Variants in AKT1 observed in about 807,000 individuals in gnomAD.
AKT1 encodes the protein RAC-alpha serine/threonine-protein kinase.
Under a neutral mutation model 63.1 loss-of-function variants are expected in AKT1, and 21 were observed. The observed-to-expected ratio is 0.33, with a 90% CI of 0.24 to 0.48. The LOEUF is 0.48. Among genes scored for constraint, AKT1 ranks in the 20% least tolerant of loss-of-function variants. The pLI, the probability that AKT1 is intolerant of heterozygous loss-of-function variation, is 0.99. For missense variants in AKT1, 382 were observed against 666.0 expected (o/e 0.57, Z 4.69); for synonymous variants, 257 against 253.1 (o/e 1.02, Z -0.15).
Position 104,782,726 on chromosome 14 carries a change from G to C in AKT1, c.47-2510C>G, listed in dbSNP as rs111895679. Among the ~76,000 whole-genome samples the C allele has an allele frequency of 6.6e-5, 10 of 150,888 alleles. 1 individual carries two copies. Among genetic ancestry groups the C allele is most frequent in the African/African-American group, 2.4e-4 (10 of 41,330 alleles). On this transcript the variant is annotated intron_variant, in intron 3 of 14. Coordinates refer to ENST00000649815, the MANE Select transcript of AKT1 (RefSeq NM_001382430.1). ...AGGGCCTACCCCAGGAGACGGGTGT[G>C]AGTGAAGGGGCCTCACGTGGCCTTT...
chr14:104,785,801 A>T (rs2140981093), intron 3 of AKT1, among the ~76,000 whole-genome samples: 1 of 152,186 alleles, frequency 6.6e-6, no homozygotes, highest in Middle Eastern at 3.4e-3. Context: ...TGGTGCGGGC[A>T]GGCGGCACCA....
intron 3 of AKT1, among the ~76,000 whole-genome samples, chr14:104,790,267 G>A (rs1237924966): frequency 6.6e-6 from 1 of 152,224 alleles, no homozygotes; most frequent in Non-Finnish European, 1.5e-5. Flanking sequence ...CTGACCTGCA[G>A]GAGCAAGGCT....
chr14:104,780,338 A>T, intron 3 of AKT1, 122 bp from the exon 4 acceptor site: 2 of 1,380,786 alleles, frequency 1.4e-6, no homozygotes, highest in Non-Finnish European at 1.9e-6. Context: ...CCCAGGGGGC[A>T]GGCGCGGTAC....
chr14:104,789,374 C>G (rs761247749), intron 3 of AKT1, among the ~76,000 whole-genome samples: 15 of 152,226 alleles, frequency 9.9e-5, no homozygotes, highest in Non-Finnish European at 2.1e-4. Context: ...CAGCTCTCCA[C>G]GGGGCTAGGC....
chr14:104,779,764 G>A (rs1304504904), intron 4 of AKT1, among the ~76,000 whole-genome samples: 1 of 151,572 alleles, frequency 6.6e-6, no homozygotes. Flanking sequence ...CGCCCAGCCA[G>A]CCTCAGGACT....
At chr14:104,789,607 G>T (rs1196486895) in intron 3 of AKT1, among the ~76,000 whole-genome samples, 2 of 152,232 alleles carry the variant, frequency 1.3e-5, no homozygotes, top group East Asian at 3.8e-4. Context: ...AAAATCAGGA[G>T]ACTTCACACA....
At chr14:104,773,157 T>C (rs1234575853) in intron 11 of AKT1, 65 bp from the exon 12 acceptor site, 1 of 1,609,016 alleles carries the variant, frequency 6.2e-7, no homozygotes, top group East Asian at 2.2e-5. Context: ...CCGGGGGAGG[T>C]GTGACGTGCT....
Position 104,780,160 on chromosome 14 carries a change from A to C in AKT1, c.103T>G (p.Phe35Val). 1 of 1,613,688 alleles carries C rather than the reference A, an allele frequency of 6.2e-7. No individual in the cohort carries two copies. The highest frequency in any genetic ancestry group is 8.5e-7 in the Non-Finnish European group (1 of 1,179,970). The change falls in exon 4 of 15, where the codon TTC becomes GTC. Residue 35 changes from phenylalanine to valine, a missense_variant. Transcript: ENST00000649815. ...TGCGGCCGCTCCTTGTAGCCAATGA[A>C]GGTGCCATCATTCTTGAGGAGGAAG... is the stretch of plus-strand genomic sequence containing the variant. ...RYFLLKNDGT[F>V]IGYKERPQDV...
At position 104,774,729 on chromosome 14, in the gene AKT1, C is replaced by T. The variant is rs1595244410; in HGVS notation, c.633+209G>A. On this transcript the variant is annotated intron_variant, in intron 8 of 14. Coordinates refer to ENST00000649815, the MANE Select transcript of AKT1 (RefSeq NM_001382430.1). ...GGGCCACCTGCCCCACCCACCTGCC[C>T]GCACACGGGAGCAGCGAGCACAGCC... The T allele has an allele frequency of 2.9e-5, 18 of 611,240 alleles. 1 individual carries two copies. The highest frequency in any genetic ancestry group is 4.4e-4 in the Middle Eastern group (1 of 2,286). The allele number at this position is 611,240 out of a possible 1,614,324, so 37.9% of individuals were successfully genotyped here. A position where few individuals can be genotyped will look rare whatever the true frequency, so the allele number is the denominator to read the frequency against.
At chr14:104,774,822 T>C in intron 8 of AKT1, 116 bp downstream of exon 8, 1 of 1,167,524 alleles carries the variant, frequency 8.6e-7, no homozygotes, top group Middle Eastern at 3.0e-4. Flanking sequence ...AGCGGCGGAG[T>C]CCACGGTGTG....
In AKT1 at chr14:104,769,557, C is replaced by G. The variant is rs1289495993; in HGVS notation, c.*784G>C. Reference sequence around the variant, plus strand: ...GGGCGACAGCGGAAAGGTTAAGCGTCGAAAAGGTCAAGTGCTACCGTGGAG... The same window carrying G: ...GGGCGACAGCGGAAAGGTTAAGCGTGGAAAAGGTCAAGTGCTACCGTGGAG... On this transcript the variant is annotated 3_prime_UTR_variant, in exon 15 of 15. Coordinates refer to ENST00000649815, the MANE Select transcript of AKT1 (RefSeq NM_001382430.1). 3 of 533,352 alleles carry G rather than the reference C, an allele frequency of 5.6e-6. No homozygotes were observed. Among genetic ancestry groups the G allele is most frequent in the South Asian group, 3.1e-5 (2 of 65,078 alleles). 33.0% of individuals were successfully genotyped at this position (533,352 alleles called of 1,614,324 possible).
At chr14:104,794,039 T>C (rs570333396) in intron 1 of AKT1, 4 of 152,430 alleles carry the variant, frequency 2.6e-5, no homozygotes, top group Admixed American at 6.5e-5. Flanking sequence ...TTTGCACTGA[T>C]TGTCTTAAGC....
At chr14:104,777,119 G>T (rs1892762160) in intron 4 of AKT1, 2 of 265,346 alleles carry the variant, frequency 7.5e-6, no homozygotes, top group South Asian at 8.8e-5. Flanking sequence ...CCCACAGAGG[G>T]GCTGGCATGA....
chr14:104,777,814 G>A (rs534470710), intron 4 of AKT1: 5 of 739,758 alleles, frequency 6.8e-6, no homozygotes, highest in African/African-American at 1.9e-5. Context: ...AGGCCTGGGG[G>A]CCAGGAGGGG....
chr14:104,779,759 AGCCAGCCTCAGGACTCAGCTCG>A, intron 4 of AKT1, among the ~76,000 whole-genome samples: 1 of 149,960 alleles, frequency 6.7e-6, no homozygotes, highest in African/African-American at 2.5e-5. Context: ...ACCCCCGCCC[AGCCAGCCTCAGGACTCAGCTCG>A]GAGACCCCTG....
chr14:104,776,932 G>C, intron 4 of AKT1, 162 bp from the exon 5 acceptor site: 1 of 608,578 alleles, frequency 1.6e-6, no homozygotes, highest in Middle Eastern at 4.4e-4. Flanking sequence ...TCGCCTCACA[G>C]AGTGGGGCTA....
At chr14:104,776,206 GGT>G (rs1215648962) in intron 5 of AKT1, 2 of 205,752 alleles carry the variant, frequency 9.7e-6, no homozygotes, top group Non-Finnish European at 2.0e-5. Context: ...GGAGTGCAGT[GGT>G]AAAATCTCGG....
At chr14:104,776,455 G>C in intron 5 of AKT1, 1 of 531,440 alleles carries the variant, frequency 1.9e-6, no homozygotes, top group East Asian at 3.2e-5. Context: ...TCCCTAGCCA[G>C]TTTTTATCTC....
In AKT1 at chr14:104,775,061, C is replaced by G; in HGVS notation, c.567+15G>C. On this transcript the variant is annotated intron_variant, in intron 7 of 14. Coordinates refer to ENST00000649815, the MANE Select transcript of AKT1 (RefSeq NM_001382430.1). ...GCACCCTCATCTCCACCCTGCCCCA[C>G]CGCCCCGGCCCCACCTTGGCCACGA... 1 of 1,613,650 alleles carries G rather than the reference C, an allele frequency of 6.2e-7. No individual in the cohort carries two copies. Among genetic ancestry groups the G allele is most frequent in the Non-Finnish European group, 8.5e-7 (1 of 1,179,908 alleles).
Sources: allele counts gnomAD v4.1 joint callset (sites outside exome capture counted in the v4.1 genomes callset), GRCh38; gene constraint gnomAD v4.1.1; transcripts MANE v1.5; gene names NCBI Gene and HGNC (gene_info 2026-07-23, HGNC 2026-07-21).